The following ADAMTSL1 variants were observed in gnomAD, a reference collection of about 807,000 sequenced individuals.
The protein encoded by ADAMTSL1 is ADAMTS-like protein 1.
Under a neutral mutation model 201.8 loss-of-function variants are expected in ADAMTSL1, and 126 were observed. That is an observed-to-expected ratio of 0.62 (90% CI 0.54 to 0.72). ADAMTSL1 has a LOEUF of 0.72. ADAMTSL1 is among the 30% of genes least tolerant of loss of function. The probability of loss-of-function intolerance (pLI) is 0.00; values close to 1 mark genes in which losing one functional copy is unlikely to be tolerated. For missense variants in ADAMTSL1, 2,679 were observed against 2,277.8 expected (o/e 1.18, Z -3.59); for synonymous variants, 1,121 against 903.4 (o/e 1.24, Z -4.32).
chr9:18,774,000 G>C (rs1820838838), intron 17 of ADAMTSL1, among the ~76,000 whole-genome samples: 1 of 152,138 alleles, frequency 6.6e-6, no homozygotes, highest in Admixed American at 6.5e-5. Flanking sequence ...ATATATCACA[G>C]CACATCACAC....
intron 23 of ADAMTSL1, among the ~76,000 whole-genome samples, chr9:18,837,549 G>C (rs1456923062): frequency 1.3e-5 from 2 of 152,202 alleles, no homozygotes; most frequent in Non-Finnish European, 2.9e-5. Context: ...GTGAGCCTCA[G>C]ACACTGGTAC....
intron 1 of ADAMTSL1, among the ~76,000 whole-genome samples, chr9:17,989,447 T>C (rs1819062354): frequency 1.3e-5 from 2 of 152,120 alleles, no homozygotes; most frequent in South Asian, 4.1e-4. Context: ...ATTTAGAGTG[T>C]TTTAAAAAAT....
At chr9:18,834,961 T>C (rs1323328279) in intron 23 of ADAMTSL1, among the ~76,000 whole-genome samples, 2 of 152,228 alleles carry the variant, frequency 1.3e-5, no homozygotes, top group African/African-American at 4.8e-5. Context: ...ACACATAGTT[T>C]CATTTCTCTT....
intron 26 of ADAMTSL1, among the ~76,000 whole-genome samples, chr9:18,893,448 C>T (rs930351154): frequency 6.6e-6 from 1 of 152,130 alleles, no homozygotes; most frequent in Non-Finnish European, 1.5e-5. Flanking sequence ...AAAAATTCAC[C>T]CCCTCCTCCT....
chr9:18,437,590 C>G (rs1269432998), intron 2 of ADAMTSL1, among the ~76,000 whole-genome samples: 1 of 152,130 alleles, frequency 6.6e-6, no homozygotes, highest in East Asian at 1.9e-4. Flanking sequence ...TCTTTTTGAA[C>G]TTGCTTCTAG....
At chr9:18,166,303 G>A (rs931135029) in intron 2 of ADAMTSL1, among the ~76,000 whole-genome samples, 2 of 151,844 alleles carry the variant, frequency 1.3e-5, no homozygotes, top group African/African-American at 4.8e-5. Context: ...AATGAATAGA[G>A]AATAGTCGTG....
intron 3 of ADAMTSL1, among the ~76,000 whole-genome samples, chr9:18,565,855 G>A (rs927962515): frequency 1.3e-5 from 2 of 152,180 alleles, no homozygotes; most frequent in Non-Finnish European, 2.9e-5. Flanking sequence ...TTTGATGTTA[G>A]TATAATCAGG....
rs2132032981 is a variant in ADAMTSL1 at position 18,521,716 on chromosome 9, T to A, written c.192-11531T>A. On this transcript the variant is annotated intron_variant, in intron 2 of 28. Coordinates refer to ENST00000380548, the MANE Select transcript of ADAMTSL1 (RefSeq NM_001040272.6). The stretch of plus-strand genomic sequence containing the variant: ...AAAATAATGCTTTTACATAAACAAG[T>A]TTCATTGTAATTTTTGTTTATGATG... Among the ~76,000 whole-genome samples the A allele has an allele frequency of 2.0e-5, 3 of 152,274 alleles. No homozygotes were observed. In the Middle Eastern group the frequency reaches 0.01, roughly 518 times the overall value.
rs139225278 is a variant in ADAMTSL1, at chr9:18,904,197, G to A, written c.4852-1585G>A. ...AAAAAGTTATTTTTTGGCCAGGCAC[G>A]GTGGCTTACACCTGGACTCCCAGCA... On this transcript the variant is annotated intron_variant, in intron 26 of 28. Coordinates refer to ENST00000380548, the MANE Select transcript of ADAMTSL1 (RefSeq NM_001040272.6). Among the ~76,000 whole-genome samples, 1,480 of 152,240 alleles carry A rather than the reference G, an allele frequency of 9.7e-3. 8 individuals are homozygous for A. The highest frequency in any genetic ancestry group is 0.016 in the Admixed American group (243 of 15,302).
intron 2 of ADAMTSL1, among the ~76,000 whole-genome samples, chr9:18,191,277 A>G (rs191030849): frequency 9.9e-5 from 15 of 152,230 alleles, no homozygotes; most frequent in Admixed American, 5.9e-4. Context: ...AAAAATTGCT[A>G]GTAGGAGCTT....
chr9:18,523,097 C>T (rs1335518627), intron 2 of ADAMTSL1, among the ~76,000 whole-genome samples: 1 of 152,180 alleles, frequency 6.6e-6, no homozygotes, highest in African/African-American at 2.4e-5. Context: ...TCCTCTCCAG[C>T]ACCTGTTGTT....
At chr9:18,811,009 T>A (rs1198063719) in intron 20 of ADAMTSL1, among the ~76,000 whole-genome samples, 73 of 34,464 alleles carry the variant, frequency 2.1e-3, no homozygotes, top group East Asian at 6.7e-3. Context: ...CACCAATGAG[T>A]ACCAAAAAAA....
intron 3 of ADAMTSL1, among the ~76,000 whole-genome samples, chr9:18,565,734 A>G (rs1210765896): frequency 3.9e-5 from 6 of 152,188 alleles, no homozygotes; most frequent in Non-Finnish European, 8.8e-5. Flanking sequence ...TTAAAATGTA[A>G]CAGAGTTGTC....
intron 14 of ADAMTSL1, among the ~76,000 whole-genome samples, chr9:18,712,642 C>A (rs13290564): frequency 6.8e-6 from 1 of 147,746 alleles, no homozygotes; most frequent in Non-Finnish European, 1.5e-5. Flanking sequence ...CTGAAAGTGA[C>A]GGGGAGAATG....
chr9:18,465,153 G>C (rs892683547), intron 2 of ADAMTSL1, among the ~76,000 whole-genome samples: 1 of 152,120 alleles, frequency 6.6e-6, no homozygotes, highest in African/African-American at 2.4e-5. Context: ...CAAAGCCAGG[G>C]GCATAATGTT....
At chr9:18,321,466 T>A (rs1001097894) in intron 2 of ADAMTSL1, among the ~76,000 whole-genome samples, 1 of 152,140 alleles carries the variant, frequency 6.6e-6, no homozygotes, top group African/African-American at 2.4e-5. Flanking sequence ...TTGACCTGAT[T>A]AACATTTACA....
chr9:18,892,652 C>A (rs1476866882), intron 26 of ADAMTSL1, 56 bp downstream of exon 26: 2 of 1,517,740 alleles, frequency 1.3e-6, no homozygotes, highest in Non-Finnish European at 1.8e-6. Context: ...ATGGACCCTG[C>A]CACAGTAGGA....
At chr9:18,685,497 G>T (rs1326471276) in intron 13 of ADAMTSL1, among the ~76,000 whole-genome samples, 1 of 152,280 alleles carries the variant, frequency 6.6e-6, no homozygotes, top group East Asian at 1.9e-4. Context: ...CAAACGAGGG[G>T]ATACAATTGA....
At chr9:18,600,149 G>A (rs956040728) in intron 4 of ADAMTSL1, among the ~76,000 whole-genome samples, 1 of 152,054 alleles carries the variant, frequency 6.6e-6, no homozygotes, top group Non-Finnish European at 1.5e-5. Flanking sequence ...GCCTGGACCT[G>A]TAGCTATCTG....
Sources: gnomAD v4.1 joint callset for allele counts (sites outside exome capture counted in the v4.1 genomes callset) on GRCh38, gnomAD v4.1.1 for gene constraint, MANE v1.5 for transcripts, NCBI Gene and HGNC (gene_info 2026-07-23, HGNC 2026-07-21) for gene names.